The following UNC5D variants were observed in gnomAD, a reference collection of about 807,000 sequenced individuals.
UNC5D encodes the protein unc-5 netrin receptor D.
Under a neutral mutation model 105.4 loss-of-function variants are expected in UNC5D, and 39 were observed. The observed-to-expected ratio is 0.37, with a 90% CI of 0.29 to 0.48. UNC5D has a LOEUF of 0.48. Ranked by LOEUF, UNC5D falls within the 20% of genes least tolerant of loss-of-function variation. The probability of loss-of-function intolerance (pLI) is 0.98; values close to 1 mark genes in which losing one functional copy is unlikely to be tolerated. For synonymous variants in UNC5D, 452 were observed against 450.4 expected (o/e 1.00, Z -0.04); for missense variants, 991 against 1,202.4 (o/e 0.82, Z 2.60).
intron 1 of UNC5D, among the ~76,000 whole-genome samples, chr8:35,429,667 A>G (rs1024424300): frequency 6.6e-6 from 1 of 152,154 alleles, no homozygotes. Context: ...CAATTTGTGC[A>G]TGATAAACTA....
chr8:35,642,767 A>G (rs760541848), intron 4 of UNC5D, among the ~76,000 whole-genome samples: 25 of 152,118 alleles, frequency 1.6e-4, no homozygotes, highest in Non-Finnish European at 2.4e-4. Context: ...CCCGGTACAG[A>G]TTTAATTTTG....
rs985650785 is a variant in UNC5D at position 35,682,198 on chromosome 8, C to T, written c.571-1349C>T. 5.3e-5 allele frequency among the ~76,000 whole-genome samples: 8 copies of T among 152,128 alleles called. No individual in the cohort carries two copies. In the South Asian group the frequency reaches 8.3e-4, roughly 16 times the overall value. ...CAGGCTGGTTTCCAATTCCTGACCTCGTGATCTGCCCGCCTCGGCCTCTCA... is the reference window on the plus strand; with the variant it reads ...CAGGCTGGTTTCCAATTCCTGACCTTGTGATCTGCCCGCCTCGGCCTCTCA... On this transcript the variant is annotated intron_variant, in intron 4 of 16. Coordinates refer to ENST00000404895, the MANE Select transcript of UNC5D (RefSeq NM_080872.4).
intron 1 of UNC5D, among the ~76,000 whole-genome samples, chr8:35,344,078 AT>A (rs1000430738): frequency 1.3e-5 from 2 of 151,964 alleles, no homozygotes; most frequent in Non-Finnish European, 2.9e-5. Context: ...TTCTGTTGGG[AT>A]TTGAATGTAC....
chr8:35,380,102 GGAGA>G (rs375585779), intron 1 of UNC5D, among the ~76,000 whole-genome samples: 19 of 113,966 alleles, frequency 1.7e-4, no homozygotes, highest in East Asian at 9.6e-4. Context: ...GGGGGGTCGG[GGAGA>G]GAGAGAGAGA....
intron 1 of UNC5D, among the ~76,000 whole-genome samples, chr8:35,251,879 C>G (rs1017311189): frequency 5.3e-5 from 8 of 152,092 alleles, no homozygotes; most frequent in African/African-American, 1.7e-4. Context: ...AGGCCCTAGT[C>G]ACTGTCTACT....
chr8:35,734,275 T>C (rs1269385024), intron 11 of UNC5D, among the ~76,000 whole-genome samples: 3 of 117,004 alleles, frequency 2.6e-5, no homozygotes, highest in Non-Finnish European at 4.8e-5. Flanking sequence ...AGATGTGGCC[T>C]CCTCCCCTCC....
intron 1 of UNC5D, among the ~76,000 whole-genome samples, chr8:35,507,214 C>T (rs1222370823): frequency 6.6e-6 from 1 of 150,618 alleles, no homozygotes; most frequent in Non-Finnish European, 1.5e-5. Flanking sequence ...CGCCACTACG[C>T]CCGGCTAAAT....
At chr8:35,544,873 G>A (rs1309336980) in intron 1 of UNC5D, among the ~76,000 whole-genome samples, 2 of 152,236 alleles carry the variant, frequency 1.3e-5, no homozygotes, top group South Asian at 4.2e-4. Context: ...AGAGTGCTGG[G>A]ATTACAGGCA....
intron 1 of UNC5D, among the ~76,000 whole-genome samples, chr8:35,291,304 C>T (rs1173154025): frequency 6.6e-6 from 1 of 152,196 alleles, no homozygotes; most frequent in Admixed American, 6.5e-5. Flanking sequence ...AATTAACTTA[C>T]ATCAGACAAA....
chr8:35,611,412 A>G (rs189106473), intron 4 of UNC5D, among the ~76,000 whole-genome samples: 1 of 152,202 alleles, frequency 6.6e-6, no homozygotes, highest in Non-Finnish European at 1.5e-5. Context: ...GTGACCACCA[A>G]TGTTTGTTCA....
chr8:35,743,151 G>A (rs767621763), intron 11 of UNC5D, among the ~76,000 whole-genome samples: 1 of 152,164 alleles, frequency 6.6e-6, no homozygotes, highest in Non-Finnish European at 1.5e-5. Context: ...TTATATTGTA[G>A]CCTAGAATGA....
chr8:35,360,915 A>G (rs1364985901), intron 1 of UNC5D, among the ~76,000 whole-genome samples: 4 of 152,154 alleles, frequency 2.6e-5, no homozygotes, highest in Admixed American at 1.3e-4. Flanking sequence ...TTGGAACACT[A>G]TTGCAAAATT....
At chr8:35,726,683 A>G (rs1295485546) in intron 10 of UNC5D, 154 bp downstream of exon 10, 1 of 1,167,002 alleles carries the variant, frequency 8.6e-7, no homozygotes, top group Non-Finnish European at 1.2e-6. Context: ...TTTACACAGC[A>G]AACCAGAACC....
intron 3 of UNC5D, among the ~76,000 whole-genome samples, chr8:35,576,937 A>G (rs548850209): frequency 2.6e-5 from 4 of 152,268 alleles, no homozygotes; most frequent in Non-Finnish European, 4.4e-5. Flanking sequence ...AAAACATTTG[A>G]CGTAATTTCA....
rs1193321104 is a variant in UNC5D, at chr8:35,590,254, T to A, written c.467-5300T>A. On this transcript the variant is annotated intron_variant, in intron 3 of 16. Transcript: ENST00000404895. ...TATAATGTTTTAGATAAAAAAAAAA[T>A]TTAATTTTGACAAAACACTACCTAC... 7.2e-5 allele frequency among the ~76,000 whole-genome samples: 11 copies of A among 152,136 alleles called. No homozygotes were observed. The East Asian group carries it at 1.2e-3, about 16-fold the overall frequency.
chr8:35,573,518 A>G (rs1817887432), intron 3 of UNC5D, among the ~76,000 whole-genome samples: 1 of 152,196 alleles, frequency 6.6e-6, no homozygotes, highest in Non-Finnish European at 1.5e-5. Context: ...TGATACCAAC[A>G]TGGAACCAGG....
At chr8:35,324,508 G>A (rs1221576560) in intron 1 of UNC5D, among the ~76,000 whole-genome samples, 1 of 152,066 alleles carries the variant, frequency 6.6e-6, no homozygotes, top group African/African-American at 2.4e-5. Flanking sequence ...AAAATGTGGT[G>A]CAAATGTAGA....
chr8:35,725,570 G>A (rs1206260246), intron 9 of UNC5D, among the ~76,000 whole-genome samples: 2 of 152,026 alleles, frequency 1.3e-5, no homozygotes, highest in African/African-American at 4.8e-5. Context: ...CTCAGATGTG[G>A]TGAGATTCAT....
At chr8:35,351,030 T>A (rs1484275190) in intron 1 of UNC5D, among the ~76,000 whole-genome samples, 2 of 152,118 alleles carry the variant, frequency 1.3e-5, no homozygotes, top group African/African-American at 4.8e-5. Flanking sequence ...AGAATATTTC[T>A]TTCTGCTGAC....
Sources: allele counts gnomAD v4.1 joint callset (sites outside exome capture counted in the v4.1 genomes callset), GRCh38; gene constraint gnomAD v4.1.1; transcripts MANE v1.5; gene names NCBI Gene and HGNC (gene_info 2026-07-23, HGNC 2026-07-21).